GLIS3: variants seen among roughly 807,000 people sequenced by gnomAD.
The protein encoded by GLIS3 is GLIS family zinc finger 3, also known as zinc finger protein GLIS3.
Under a neutral mutation model 78.6 loss-of-function variants are expected in GLIS3, and 53 were observed. That is an observed-to-expected ratio of 0.67 (90% CI 0.54 to 0.85). GLIS3 has a LOEUF of 0.85. Among genes scored for constraint, GLIS3 ranks in the 40% least tolerant of loss-of-function variants. The pLI, the probability that GLIS3 is intolerant of heterozygous loss-of-function variation, is 0.00. For synonymous variants in GLIS3, 684 were observed against 509.9 expected (o/e 1.34, Z -4.60); for missense variants, 1,703 against 1,231.1 (o/e 1.38, Z -5.74).
At chr9:4,141,632 A>T (rs1345413681) in intron 2 of GLIS3, among the ~76,000 whole-genome samples, 2 of 152,208 alleles carry the variant, frequency 1.3e-5, no homozygotes, top group Non-Finnish European at 2.9e-5. Flanking sequence ...ATTTGTTGTG[A>T]TTTAAAGGAA....
In GLIS3 at chr9:4,318,307, G is replaced by T. The variant is rs150443377; in HGVS notation, n.265-7779C>A. ...TATCTCCCAGTTCTGTTCACTGAAA[G>T]CACCTAGAATCAATGACATCTCAGT... On this transcript the variant is annotated intron_variant and non_coding_transcript_variant, in intron 2 of 4. Transcript: ENST00000471664. Among the ~76,000 whole-genome samples, 5 of 152,288 alleles carry T rather than the reference G, an allele frequency of 3.3e-5. No homozygotes were observed. In the South Asian group the frequency reaches 6.2e-4, roughly 19 times the overall value.
chr9:4,375,816 T>C, the GLIS3 span, among the ~76,000 whole-genome samples: 7 of 152,032 alleles, frequency 4.6e-5, no homozygotes, highest in Non-Finnish European at 8.8e-5. Flanking sequence ...ACAGAAAACA[T>C]GGTTGTGTGA....
At chr9:4,139,748 G>A (rs1330415079) in intron 2 of GLIS3, among the ~76,000 whole-genome samples, 2 of 152,142 alleles carry the variant, frequency 1.3e-5, no homozygotes, top group East Asian at 1.9e-4. Context: ...TTCTCGTAAG[G>A]AGCACGCAAC....
In GLIS3 at chr9:3,876,658, AAGAG is replaced by A. The variant is rs150377735; in HGVS notation, c.2297+2765_2297+2768del. 5.7e-3 allele frequency among the ~76,000 whole-genome samples: 269 copies of A among 46,816 alleles called. 8 individuals are homozygous for A. Among genetic ancestry groups the A allele is most frequent in the Middle Eastern group, 8.3e-3 (1 of 120 alleles). The allele number at this position is 46,816 out of a possible 152,430, so 30.7% of individuals were successfully genotyped here. On this transcript the variant is annotated intron_variant, in intron 8 of 10. Transcript: ENST00000381971. The stretch of plus-strand genomic sequence containing the variant: ...TCAGAGAGAGAGAGAGAGAGAGAGA[AAGAG>A]AGAGAGAAAGAAAGAGAAGGAAGGG...
At chr9:4,214,869 G>A (rs1229049686) in intron 2 of GLIS3, among the ~76,000 whole-genome samples, 1 of 152,128 alleles carries the variant, frequency 6.6e-6, no homozygotes, top group Non-Finnish European at 1.5e-5. Flanking sequence ...GCTGGTCAAT[G>A]GCATATAACT....
chr9:4,054,736 T>C (rs541764175), intron 4 of GLIS3, among the ~76,000 whole-genome samples: 3 of 151,918 alleles, frequency 2.0e-5, no homozygotes, highest in South Asian at 2.1e-4. Flanking sequence ...GAATCCAGAG[T>C]GGATTTTTTT....
chr9:4,080,566 T>A (rs909120168), intron 4 of GLIS3, among the ~76,000 whole-genome samples: 4 of 152,212 alleles, frequency 2.6e-5, no homozygotes, highest in African/African-American at 9.6e-5. Flanking sequence ...TTTAAAATTT[T>A]GATATTTTGT....
chr9:3,911,152 C>T (rs963821389), intron 6 of GLIS3, among the ~76,000 whole-genome samples: 3 of 151,966 alleles, frequency 2.0e-5, no homozygotes, highest in Non-Finnish European at 2.9e-5. Flanking sequence ...CTTCCTTCCG[C>T]ACTATTTCTT....
chr9:3,863,489 T>G (rs1283047277), intron 8 of GLIS3, among the ~76,000 whole-genome samples: 2 of 152,204 alleles, frequency 1.3e-5, no homozygotes, highest in African/African-American at 4.8e-5. Flanking sequence ...TGTCCCCAAA[T>G]AGTCCAAGAG....
At chr9:3,927,798 T>C (rs1252586936) in intron 6 of GLIS3, among the ~76,000 whole-genome samples, 1 of 152,224 alleles carries the variant, frequency 6.6e-6, no homozygotes, top group African/African-American at 2.4e-5. Flanking sequence ...TGGCAGCATA[T>C]TGGGTCTACC....
chr9:3,911,525 T>TA (rs1287520917), intron 6 of GLIS3, among the ~76,000 whole-genome samples: 6 of 152,154 alleles, frequency 3.9e-5, no homozygotes, highest in Non-Finnish European at 8.8e-5. Flanking sequence ...CTAAGTTATC[T>TA]AAAAAAATTG....
chr9:3,883,843 A>T (rs1821895996), intron 7 of GLIS3, among the ~76,000 whole-genome samples: 1 of 152,240 alleles, frequency 6.6e-6, no homozygotes, highest in South Asian at 2.1e-4. Flanking sequence ...TTTTGTGATT[A>T]AGAGATGGTA....
chr9:3,867,229 T>TTTGTTG (rs969081494), intron 8 of GLIS3, among the ~76,000 whole-genome samples: 1 of 152,202 alleles, frequency 6.6e-6, no homozygotes, highest in Non-Finnish European at 1.5e-5. Flanking sequence ...GCAATGTTGT[T>TTTGTTG]TTGTTGTTGT....
At chr9:4,186,962 G>A (rs546631285) in intron 2 of GLIS3, among the ~76,000 whole-genome samples, 18 of 152,220 alleles carry the variant, frequency 1.2e-4, no homozygotes, top group African/African-American at 3.9e-4. Context: ...TCACTCTGAC[G>A]GTAGTTTCTT....
chr9:3,972,166 G>C (rs1563907327), intron 4 of GLIS3, among the ~76,000 whole-genome samples: 2 of 152,246 alleles, frequency 1.3e-5, no homozygotes, highest in South Asian at 4.1e-4. Flanking sequence ...AAAAACTTCT[G>C]CTTTGGTAAG....
intron 4 of GLIS3, among the ~76,000 whole-genome samples, chr9:3,958,553 G>A (rs10814808): frequency 0.11 from 17,005 of 152,170 alleles, 1,306 homozygotes; most frequent in East Asian, 0.4. Flanking sequence ...ATTCTTAAGT[G>A]CAGGGTCCTG....
intron 2 of GLIS3, among the ~76,000 whole-genome samples, chr9:4,240,717 A>G (rs1823221015): frequency 6.6e-6 from 1 of 152,222 alleles, no homozygotes; most frequent in Non-Finnish European, 1.5e-5. Flanking sequence ...CCTGTTCATC[A>G]AATCACAGTA....
At chr9:4,337,331 T>C (rs892701123) in intron 2 of GLIS3, among the ~76,000 whole-genome samples, 4 of 152,146 alleles carry the variant, frequency 2.6e-5, no homozygotes, top group East Asian at 1.9e-4. Context: ...AATCAGAAAA[T>C]AGTTAATTAA....
intron 6 of GLIS3, among the ~76,000 whole-genome samples, chr9:3,905,281 A>C (rs959974381): frequency 4.0e-5 from 6 of 150,782 alleles, no homozygotes; most frequent in African/African-American, 1.5e-4. Context: ...TGAGCCACTG[A>C]GCCCCGCCTG....
Sources: allele counts gnomAD v4.1 joint callset (sites outside exome capture counted in the v4.1 genomes callset), GRCh38; gene constraint gnomAD v4.1.1; transcripts MANE v1.5; gene names NCBI Gene and HGNC (gene_info 2026-07-23, HGNC 2026-07-21).